DAB1: variants seen among roughly 807,000 people sequenced by gnomAD.
The protein encoded by DAB1 is disabled homolog 1.
DAB1 carries 15 observed loss-of-function variants against 64.6 expected under a neutral mutation model. That is an observed-to-expected ratio of 0.23 (90% CI 0.16 to 0.36). DAB1 has a LOEUF of 0.36. Ranked by LOEUF, DAB1 falls within the 10% of genes least tolerant of loss-of-function variation. The pLI is 1.00. For missense variants in DAB1, 596 were observed against 706.7 expected (o/e 0.84, Z 1.78); for synonymous variants, 235 against 251.9 (o/e 0.93, Z 0.64).
intron 5 of DAB1, among the ~76,000 whole-genome samples, chr1:57,900,043 G>A (rs1336370232): frequency 6.6e-6 from 1 of 151,890 alleles, no homozygotes; most frequent in Admixed American, 6.6e-5. Flanking sequence ...GGCTCAAGCT[G>A]TCCTCCCATT....
chr1:58,421,966 T>C (rs916956065), intron 3 of DAB1, among the ~76,000 whole-genome samples: 11 of 152,018 alleles, frequency 7.2e-5, no homozygotes, highest in African/African-American at 9.7e-5. Context: ...TCTAGACCCC[T>C]GTTTTCTCTT....
chr1:57,804,996 A>C (rs1651297477), intron 6 of DAB1, among the ~76,000 whole-genome samples: 1 of 152,220 alleles, frequency 6.6e-6, no homozygotes, highest in Non-Finnish European at 1.5e-5. Flanking sequence ...AACAGAATCA[A>C]TCCAAGCTGC....
At position 57,046,726 on chromosome 1, in the gene DAB1, G is replaced by A. The variant is rs560948296; in HGVS notation, c.723+16158C>T. Among the ~76,000 whole-genome samples the A allele has an allele frequency of 9.8e-5, 15 of 152,334 alleles. No homozygotes were observed. In the South Asian group the frequency reaches 2.7e-3, roughly 27 times the overall value. ...CCCCTGAATCACATTTTCTCACCAT[G>A]TAACAGATCTCCAAGTGATCTGATT... On this transcript the variant is annotated intron_variant, in intron 9 of 14. Transcript: ENST00000371236.
rs1645241038 is a variant in DAB1 at position 57,575,610 on chromosome 1, T to C, written n.625+73982A>G. ...AGACAGTGAAATGTTGCTATGTCAT[T>C]ATAGAAATGAAAAAACAGAGCTTCA... On this transcript the variant is annotated intron_variant and non_coding_transcript_variant, in intron 7 of 20. Transcript: ENST00000485760. Among the ~76,000 whole-genome samples the C allele has an allele frequency of 2.0e-5, 3 of 152,154 alleles. No individual in the cohort carries two copies. The South Asian group carries it at 6.2e-4, about 32-fold the overall frequency.
At chr1:57,258,126 T>C (rs1343524003) in intron 2 of DAB1, among the ~76,000 whole-genome samples, 2 of 152,178 alleles carry the variant, frequency 1.3e-5, no homozygotes, top group Non-Finnish European at 2.9e-5. Context: ...GGTATAAAAT[T>C]AATACTCAGC....
At chr1:57,082,631 A>G (rs190220657) in intron 4 of DAB1, among the ~76,000 whole-genome samples, 221 of 152,272 alleles carry the variant, frequency 1.5e-3, no homozygotes, top group Middle Eastern at 3.4e-3. Flanking sequence ...CCCATCACCT[A>G]GGTATTAAGC....
intron 2 of DAB1, among the ~76,000 whole-genome samples, chr1:57,185,874 C>T (rs562121484): frequency 3.6e-4 from 54 of 152,044 alleles, no homozygotes; most frequent in Non-Finnish European, 7.2e-4. Flanking sequence ...GCCACAATGC[C>T]GGAACAAACT....
chr1:57,446,449 T>A (rs893362436), intron 7 of DAB1, among the ~76,000 whole-genome samples: 1 of 151,878 alleles, frequency 6.6e-6, no homozygotes, highest in South Asian at 2.1e-4. Context: ...AATAAAAAAT[T>A]AGCCGGGCTT....
chr1:57,566,990 C>G (rs1384353639), intron 7 of DAB1, among the ~76,000 whole-genome samples: 4 of 152,144 alleles, frequency 2.6e-5, no homozygotes, highest in Admixed American at 2.6e-4. Flanking sequence ...GAATTTTAGA[C>G]CAATGTCCCT....
intron 4 of DAB1, among the ~76,000 whole-genome samples, chr1:57,130,865 T>C (rs1438451216): frequency 6.6e-6 from 1 of 152,224 alleles, no homozygotes; most frequent in East Asian, 1.9e-4. Context: ...ATGGGTAAAA[T>C]ACTTTGTTTA....
intron 4 of DAB1, among the ~76,000 whole-genome samples, chr1:58,200,894 C>T (rs1657960114): frequency 6.6e-6 from 1 of 152,162 alleles, no homozygotes; most frequent in South Asian, 2.1e-4. Context: ...TAACTACCAA[C>T]AGAGGCTGTA....
intron 7 of DAB1, among the ~76,000 whole-genome samples, chr1:57,550,058 T>C (rs1266844257): frequency 6.6e-6 from 1 of 152,162 alleles, no homozygotes; most frequent in East Asian, 1.9e-4. Flanking sequence ...TATGTATAGC[T>C]TGACAGGCTT....
intron 6 of DAB1, among the ~76,000 whole-genome samples, chr1:57,669,958 C>A (rs1464521051): frequency 3.3e-5 from 5 of 152,020 alleles, no homozygotes; most frequent in Non-Finnish European, 7.4e-5. Flanking sequence ...ACAAATAAAA[C>A]AAAAAATTTC....
chr1:57,577,114 C>T (rs1033240802), intron 7 of DAB1, among the ~76,000 whole-genome samples: 2 of 152,180 alleles, frequency 1.3e-5, no homozygotes, highest in Admixed American at 1.3e-4. Flanking sequence ...CTGTAATGCT[C>T]GGGAAAGCAG....
intron 6 of DAB1, among the ~76,000 whole-genome samples, chr1:57,714,089 T>C (rs955046306): frequency 2.6e-5 from 4 of 152,132 alleles, no homozygotes; most frequent in Admixed American, 2.0e-4. Context: ...GATAAACAAA[T>C]ACAATAAAGT....
intron 4 of DAB1, among the ~76,000 whole-genome samples, chr1:58,312,449 C>T (rs1049997328): frequency 3.9e-5 from 6 of 152,154 alleles, no homozygotes; most frequent in African/African-American, 1.2e-4. Context: ...GTTCACAAGA[C>T]AGAATAGAAA....
At chr1:57,696,326 T>C (rs1302615653) in intron 6 of DAB1, among the ~76,000 whole-genome samples, 2 of 150,314 alleles carry the variant, frequency 1.3e-5, no homozygotes, top group Non-Finnish European at 2.9e-5. Context: ...TCTGAAACTA[T>C]GTCTGTGGGA....
intron 4 of DAB1, among the ~76,000 whole-genome samples, chr1:57,092,731 G>A (rs1473970632): frequency 6.6e-6 from 1 of 151,316 alleles, no homozygotes; most frequent in Non-Finnish European, 1.5e-5. Context: ...TGCCCTGAGA[G>A]GGGAAGTGCA....
chr1:57,744,216 C>T (rs1648151043), intron 6 of DAB1, among the ~76,000 whole-genome samples: 1 of 152,206 alleles, frequency 6.6e-6, no homozygotes, highest in Non-Finnish European at 1.5e-5. Context: ...AGGCTGTTGG[C>T]ATCCATTAGA....
Sources: allele counts gnomAD v4.1 joint callset (sites outside exome capture counted in the v4.1 genomes callset), GRCh38; gene constraint gnomAD v4.1.1; transcripts MANE v1.5; gene names NCBI Gene and HGNC (gene_info 2026-07-23, HGNC 2026-07-21).